Variants in RTL9 observed in about 807,000 individuals in gnomAD.
RTL9 encodes retrotransposon Gag-like protein 9.
A neutral mutation model predicts 44.7 loss-of-function variants in RTL9; 19 were observed. The observed-to-expected ratio is 0.42, with a 90% CI of 0.30 to 0.62. The LOEUF is 0.62. RTL9 is among the 20% of genes least tolerant of loss of function. The pLI is 0.16. For missense variants in RTL9, 1,105 were observed against 1,080.6 expected (o/e 1.02, Z -0.32); for synonymous variants, 407 against 398.9 (o/e 1.02, Z -0.24).
intron 1 of RTL9, among the ~76,000 whole-genome samples, chrX:110,398,692 G>A (rs1251629181): frequency 3.6e-5 from 4 of 111,783 alleles, no homozygotes; most frequent in East Asian, 2.8e-4. Flanking sequence ...ATTTGTTTCC[G>A]ACTCATTATA....
At chrX:110,446,346 C>T (rs1470207902), upstream of RTL9, among the ~76,000 whole-genome samples, 1 of 110,107 alleles carries the variant, frequency 9.1e-6, no homozygotes, top group Non-Finnish European at 1.9e-5. Flanking sequence ...TAAAAACAAA[C>T]CAAAAATAAA....
At chrX:110,378,031 A>AAAAAAAAAAAAAAT (rs1481955905) in intron 1 of RTL9, among the ~76,000 whole-genome samples, 1 of 107,573 alleles carries the variant, frequency 9.3e-6, no homozygotes, top group African/African-American at 3.4e-5. Context: ...AAAAAAAAAA[A>AAAAAAAAAAAAAAT]ATATCTACCT....
chrX:110,447,646 A>G (rs374649836), upstream of RTL9, among the ~76,000 whole-genome samples: 2 of 111,558 alleles, frequency 1.8e-5, no homozygotes, highest in East Asian at 5.6e-4. Flanking sequence ...CATGTATAAA[A>G]TGGGAATGAT....
chrX:110,367,973 A>ATT (rs537050639), intron 1 of RTL9, among the ~76,000 whole-genome samples: 34 of 85,326 alleles, frequency 4.0e-4, no homozygotes, highest in African/African-American at 1.3e-3. Flanking sequence ...AGTGCTGGCT[A>ATT]ATTATTATTA....
In RTL9 at chrX:110,426,175, A is replaced by G. The variant is rs143051100; in HGVS notation, c.-168+7040A>G. Among the ~76,000 whole-genome samples, 1,078 of 112,495 alleles carry G rather than the reference A, an allele frequency of 9.6e-3. 5 individuals carry two copies. Among genetic ancestry groups the G allele is most frequent in the Non-Finnish European group, 0.015 (781 of 53,277 alleles). Reference sequence around the variant, plus strand: ...AAGCGGGGGTTTTGCACCGGTGAGCAAAGTGTTTCAAATGAGAATGTGTCT... The same window carrying G: ...AAGCGGGGGTTTTGCACCGGTGAGCGAAGTGTTTCAAATGAGAATGTGTCT... On this transcript the variant is annotated intron_variant, in intron 1 of 3. Coordinates refer to the RTL9 transcript ENST00000465301.
At chrX:110,359,955 G>T (rs6642761) in intron 1 of RTL9, among the ~76,000 whole-genome samples, 8,196 of 111,823 alleles carry the variant, frequency 0.073, 440 homozygotes, top group African/African-American at 0.18. Flanking sequence ...TGGGAATGGT[G>T]TGCATTAAAG....
chrX:110,402,042 C>G (rs983711279), intron 1 of RTL9, among the ~76,000 whole-genome samples: 2 of 112,245 alleles, frequency 1.8e-5, no homozygotes, highest in African/African-American at 6.5e-5. Context: ...CCCACCAGTA[C>G]GCTCAACCTT....
chrX:110,432,767 C>T (rs1484788888), intron 1 of RTL9, among the ~76,000 whole-genome samples: 1 of 112,392 alleles, frequency 8.9e-6, no homozygotes, highest in Admixed American at 9.4e-5. Flanking sequence ...CTCTCTTTCC[C>T]CACCCCTGCT....
chrX:110,445,834 G>A (rs1019867646), upstream of RTL9, among the ~76,000 whole-genome samples: 5 of 111,597 alleles, frequency 4.5e-5, no homozygotes, highest in African/African-American at 6.5e-5. Context: ...GGGACGTGAG[G>A]GACCTGAGAG....
intron 1 of RTL9, among the ~76,000 whole-genome samples, chrX:110,404,114 C>T (rs1049798977): frequency 2.7e-5 from 3 of 112,485 alleles, no homozygotes; most frequent in Non-Finnish European, 5.6e-5. Flanking sequence ...AACTAAAGTA[C>T]GTCATGCTAC....
exon 1 of RTL9, chrX:110,451,411 C>G (rs1001676129): frequency 1.7e-6 from 2 of 1,211,914 alleles, no homozygotes; most frequent in Non-Finnish European, 2.2e-6. Flanking sequence ...GGCACGGACT[C>G]TGAAGCAATA....
chrX:110,450,666 G>A lies in RTL9; in HGVS notation c.49G>A (p.Glu17Lys), dbSNP rs772525905. 5 of 1,208,895 alleles carry A rather than the reference G, an allele frequency of 4.1e-6. No homozygotes were observed. The African/African-American group carries it at 8.8e-5, about 21-fold the overall frequency. Reference sequence around the variant, plus strand: ...GCGATTCAACAATACAATGAGGGAGGAAAATGTTGAGCCCCAAAACAAGCA... The same window carrying A: ...GCGATTCAACAATACAATGAGGGAGAAAAATGTTGAGCCCCAAAACAAGCA... Residue 17 changes from glutamate to lysine, a missense_variant, in exon 1 of 2, where the codon GAA (glutamate) becomes AAA (lysine). By Grantham distance (56) the Glu-to-Lys change is moderately conservative. Transcript: ENST00000540313.
intron 1 of RTL9, among the ~76,000 whole-genome samples, chrX:110,385,853 G>A (rs985152483): frequency 2.7e-5 from 3 of 111,111 alleles, no homozygotes; most frequent in Non-Finnish European, 5.7e-5. Flanking sequence ...AGTGTCTATC[G>A]TTCCCATATT....
In RTL9 at chrX:110,421,915, A is replaced by G. The variant is rs954642627; in HGVS notation, c.-168+2780A>G. ...CTTAGATGCAAATGGCCAAATCCCA[A>G]TGGCCATGGCTATAAGGAACACAGG... is the stretch of plus-strand genomic sequence containing the variant. On this transcript the variant is annotated intron_variant, in intron 1 of 3. Coordinates refer to the RTL9 transcript ENST00000465301. Among the ~76,000 whole-genome samples the G allele has an allele frequency of 8.0e-5, 9 of 112,906 alleles. No individual in the cohort carries two copies. In the East Asian group the frequency reaches 1.1e-3, roughly 14 times the overall value.
At chrX:110,415,928 A>T, upstream of RTL9, among the ~76,000 whole-genome samples, 1 of 110,224 alleles carries the variant, frequency 9.1e-6, no homozygotes, top group Non-Finnish European at 1.9e-5. Flanking sequence ...TTTCATTGGC[A>T]AAATGATGAA....
intron 1 of RTL9, among the ~76,000 whole-genome samples, chrX:110,442,486 G>A (rs1166108018): frequency 9.0e-6 from 1 of 111,481 alleles, no homozygotes; most frequent in African/African-American, 3.3e-5. Flanking sequence ...ACTTAAAAAC[G>A]TGCTCTAGAA....
chrX:110,412,203 A>G (rs758946207), intron 1 of RTL9, among the ~76,000 whole-genome samples: 2 of 112,435 alleles, frequency 1.8e-5, no homozygotes, highest in East Asian at 5.6e-4. Flanking sequence ...GAAACAGCAC[A>G]CTCATTCACT....
At chrX:110,413,294 C>G (rs147038328) in intron 1 of RTL9, among the ~76,000 whole-genome samples, 2 of 111,310 alleles carry the variant, frequency 1.8e-5, no homozygotes, top group Non-Finnish European at 3.8e-5. Context: ...GTCTCCACGG[C>G]GGATCTCACG....
At chrX:110,413,028 T>G (rs2068651682) in intron 1 of RTL9, among the ~76,000 whole-genome samples, 1 of 111,566 alleles carries the variant, frequency 9.0e-6, no homozygotes, top group African/African-American at 3.3e-5. Context: ...AGGCTTCACA[T>G]CCCCCAGTTC....
Sources: allele counts gnomAD v4.1 joint callset (sites outside exome capture counted in the v4.1 genomes callset), GRCh38; gene constraint gnomAD v4.1.1; transcripts MANE v1.5; gene names NCBI Gene and HGNC (gene_info 2026-07-23, HGNC 2026-07-21).